SLC35F1: variants seen among roughly 807,000 people sequenced by gnomAD.
SLC35F1 encodes the protein solute carrier family 35 member F1, also known as chromosome 6 open reading frame 169.
Under a neutral mutation model 48.7 loss-of-function variants are expected in SLC35F1, and 14 were observed. That is an observed-to-expected ratio of 0.29 (90% CI 0.19 to 0.45). The LOEUF is 0.45. Ranked by LOEUF, SLC35F1 falls within the 20% of genes least tolerant of loss-of-function variation. The pLI, the probability that SLC35F1 is intolerant of heterozygous loss-of-function variation, is 1.00. For missense variants in SLC35F1, 404 were observed against 500.0 expected (o/e 0.81, Z 1.83); for synonymous variants, 190 against 202.2 (o/e 0.94, Z 0.51).
chr6:117,945,701 C>T (rs1228146149), intron 1 of SLC35F1, among the ~76,000 whole-genome samples: 1 of 152,148 alleles, frequency 6.6e-6, no homozygotes. Flanking sequence ...TGTCTTTTCC[C>T]CACTGATGCC....
chr6:118,291,159 T>C (rs1361778469), intron 7 of SLC35F1, among the ~76,000 whole-genome samples: 1 of 151,916 alleles, frequency 6.6e-6, no homozygotes, highest in South Asian at 2.1e-4. Flanking sequence ...TTATGGCCAA[T>C]GCAAAAATCT....
chr6:117,999,240 T>A, intron 1 of SLC35F1: 1 of 1,596,076 alleles, frequency 6.3e-7, no homozygotes, highest in South Asian at 1.1e-5. Flanking sequence ...CCAAAGGGAG[T>A]CAGCTGCAAG....
intron 1 of SLC35F1, among the ~76,000 whole-genome samples, chr6:117,952,486 T>C (rs1045885511): frequency 3.3e-5 from 5 of 152,240 alleles, no homozygotes; most frequent in African/African-American, 1.2e-4. Context: ...TTTCTTTTTC[T>C]TAAATCACCT....
chr6:118,182,632 G>A (rs1774598859), intron 2 of SLC35F1, among the ~76,000 whole-genome samples: 1 of 152,232 alleles, frequency 6.6e-6, no homozygotes, highest in Non-Finnish European at 1.5e-5. Flanking sequence ...TTGGGAGGCT[G>A]AGGTGGGAGG....
intron 7 of SLC35F1, among the ~76,000 whole-genome samples, chr6:118,289,912 A>T (rs1056484443): frequency 6.6e-6 from 1 of 152,186 alleles, no homozygotes; most frequent in African/African-American, 2.4e-5. Flanking sequence ...CAAAATGGTT[A>T]TACTTCCATT....
At position 118,286,805 on chromosome 6, in the gene SLC35F1, T is replaced by TTGTG. The variant is rs3080003; in HGVS notation, c.1002+1478_1002+1481dup. Among the ~76,000 whole-genome samples the TTGTG allele has an allele frequency of 4.6e-3, 664 of 144,086 alleles. 4 individuals carry two copies. Among genetic ancestry groups the TTGTG allele is most frequent in the African/African-American group, 0.016 (594 of 38,108 alleles). The allele number at this position is 144,086 out of a possible 152,430, so 94.5% of individuals were successfully genotyped here. A position where few individuals can be genotyped will look rare whatever the true frequency, so the allele number is the denominator to read the frequency against. On this transcript the variant is annotated intron_variant, in intron 7 of 7. Coordinates refer to ENST00000360388, the MANE Select transcript of SLC35F1 (RefSeq NM_001029858.4). ...TGTGTGTGTGTGTGTGTGTGTGTGTTTGTGTGTGTGTGTGGTGAGAATACT... is the reference window on the plus strand; with the variant it reads ...TGTGTGTGTGTGTGTGTGTGTGTGTTTGTGTGTGTGTGTGTGTGGTGAGAATACT...
chr6:117,960,153 T>A (rs966690852), intron 1 of SLC35F1, among the ~76,000 whole-genome samples: 1 of 151,996 alleles, frequency 6.6e-6, no homozygotes. Flanking sequence ...TTCGAGGAAC[T>A]GATAGTCTAG....
intron 1 of SLC35F1, among the ~76,000 whole-genome samples, chr6:118,138,383 G>T (rs539135428): frequency 6.6e-6 from 1 of 151,578 alleles, no homozygotes; most frequent in African/African-American, 2.4e-5. Flanking sequence ...GCCTCAATAC[G>T]TTTTTTTACT....
chr6:118,233,410 A>G (rs903558369), intron 2 of SLC35F1, among the ~76,000 whole-genome samples: 2 of 152,238 alleles, frequency 1.3e-5, no homozygotes, highest in Non-Finnish European at 2.9e-5. Flanking sequence ...AAGACTGCCA[A>G]AATGATCTGG....
chr6:117,928,249 G>A (rs1776054061), intron 1 of SLC35F1, among the ~76,000 whole-genome samples: 1 of 152,164 alleles, frequency 6.6e-6, no homozygotes, highest in Non-Finnish European at 1.5e-5. Flanking sequence ...AGTCTGGATG[G>A]AGGAAAGAGA....
chr6:118,101,295 A>C (rs746225388), intron 1 of SLC35F1, among the ~76,000 whole-genome samples: 15 of 152,212 alleles, frequency 9.9e-5, no homozygotes, highest in Non-Finnish European at 2.2e-4. Flanking sequence ...ATTTACAAGG[A>C]GTTCACAGGC....
At chr6:117,965,688 A>G (rs910722740) in intron 1 of SLC35F1, among the ~76,000 whole-genome samples, 3 of 152,158 alleles carry the variant, frequency 2.0e-5, no homozygotes, top group African/African-American at 7.2e-5. Flanking sequence ...AGTACCACAG[A>G]CTGGGTGGCT....
Position 118,312,456 on chromosome 6 carries a change from C to T in SLC35F1, c.1003-1572C>T, listed in dbSNP as rs536053885. ...AATTTATGAATCAAAGAATGAGGCA[C>T]ATTCATTTTCATTGGGAAAAGTGAA... On this transcript the variant is annotated intron_variant, in intron 7 of 7. Coordinates refer to ENST00000360388, the MANE Select transcript of SLC35F1 (RefSeq NM_001029858.4). Among the ~76,000 whole-genome samples the T allele has an allele frequency of 9.8e-4, 149 of 152,210 alleles. 1 individual carries two copies. The highest frequency in any genetic ancestry group is 3.4e-3 in the Middle Eastern group (1 of 294).
At chr6:118,227,421 T>C (rs1775232760) in intron 2 of SLC35F1, among the ~76,000 whole-genome samples, 1 of 152,224 alleles carries the variant, frequency 6.6e-6, no homozygotes, top group African/African-American at 2.4e-5. Flanking sequence ...AGGCTGACGG[T>C]ATTTATGAAG....
intron 1 of SLC35F1, among the ~76,000 whole-genome samples, chr6:118,023,789 C>G (rs1189266684): frequency 2.0e-5 from 3 of 152,112 alleles, no homozygotes; most frequent in Non-Finnish European, 4.4e-5. Flanking sequence ...GCCTTCAGCT[C>G]CATTGTCTTT....
chr6:118,037,266 T>C (rs748087618), intron 1 of SLC35F1, among the ~76,000 whole-genome samples: 2 of 152,190 alleles, frequency 1.3e-5, no homozygotes, highest in African/African-American at 2.4e-5. Flanking sequence ...TATAATTGAG[T>C]CTAGCTTTGT....
intron 1 of SLC35F1, among the ~76,000 whole-genome samples, chr6:118,023,019 A>G (rs1425567193): frequency 6.6e-6 from 1 of 151,964 alleles, no homozygotes; most frequent in Non-Finnish European, 1.5e-5. Context: ...CAGCCTCCCA[A>G]AGTGCTGCGA....
intron 6 of SLC35F1, among the ~76,000 whole-genome samples, chr6:118,281,309 G>A (rs1419457758): frequency 6.6e-6 from 1 of 151,660 alleles, no homozygotes; most frequent in African/African-American, 2.4e-5. Flanking sequence ...CAATATAGAT[G>A]AGTGTTATGT....
chr6:117,936,003 A>G (rs1776158161), intron 1 of SLC35F1, among the ~76,000 whole-genome samples: 1 of 152,176 alleles, frequency 6.6e-6, no homozygotes, highest in Non-Finnish European at 1.5e-5. Flanking sequence ...GAACAAAAAG[A>G]TGTTTGTGGT....
Sources: allele counts gnomAD v4.1 joint callset (sites outside exome capture counted in the v4.1 genomes callset), GRCh38; gene constraint gnomAD v4.1.1; transcripts MANE v1.5; gene names NCBI Gene and HGNC (gene_info 2026-07-23, HGNC 2026-07-21).